The following HDAC9 variants were observed in gnomAD, a reference collection of about 807,000 sequenced individuals.
HDAC9 encodes histone deacetylase 9.
A neutral mutation model predicts 139.4 loss-of-function variants in HDAC9; 41 were observed. The ratio of observed to expected loss-of-function variants is 0.29; its 90% CI spans 0.23 to 0.38. The LOEUF is 0.38. Ranked by LOEUF, HDAC9 falls within the 10% of genes least tolerant of loss-of-function variation. The pLI is 1.00. For missense variants in HDAC9, 1,147 were observed against 1,297.0 expected, an observed-to-expected ratio of 0.88 and a Z score of 1.78; for synonymous variants, 517 against 476.2, an observed-to-expected ratio of 1.09 and a Z score of -1.12.
intron 7 of HDAC9, among the ~76,000 whole-genome samples, chr7:18,631,144 A>T (rs1782201971): frequency 6.6e-6 from 1 of 152,060 alleles, no homozygotes; most frequent in Non-Finnish European, 1.5e-5. Context: ...CTATCTCAGT[A>T]ATGATTGGTT....
intron 1 of HDAC9, among the ~76,000 whole-genome samples, chr7:18,087,584 A>C (rs1342527831): frequency 1.3e-5 from 2 of 152,152 alleles, no homozygotes; most frequent in Non-Finnish European, 2.9e-5. Flanking sequence ...TGAGGGGAGC[A>C]ACGCTTATTG....
At chr7:18,668,525 CACAA>C (rs1372036419) in intron 12 of HDAC9, 20 of 978,754 alleles carry the variant, frequency 2.0e-5, no homozygotes, top group Admixed American at 1.2e-4. Flanking sequence ...GATATGTAAT[CACAA>C]ACAAAAAAAA....
At chr7:18,231,942 TG>T (rs1207622526) in intron 2 of HDAC9, among the ~76,000 whole-genome samples, 1 of 152,168 alleles carries the variant, frequency 6.6e-6, no homozygotes, top group African/African-American at 2.4e-5. Flanking sequence ...CATGAAGACA[TG>T]GAAAGATACA....
At chr7:18,935,252 C>T (rs979855207) in intron 22 of HDAC9, among the ~76,000 whole-genome samples, 4 of 151,562 alleles carry the variant, frequency 2.6e-5, no homozygotes, top group East Asian at 1.9e-4. Flanking sequence ...TTTTATAACT[C>T]GTATAGATGT....
chr7:18,300,521 A>T (rs1798468640), intron 1 of HDAC9, among the ~76,000 whole-genome samples: 1 of 143,234 alleles, frequency 7.0e-6, no homozygotes, highest in Admixed American at 7.0e-5. Flanking sequence ...GCATATAAGT[A>T]AAAAAAAAAA....
intron 1 of HDAC9, among the ~76,000 whole-genome samples, chr7:18,335,550 C>G (rs1781522737): frequency 6.6e-6 from 1 of 151,406 alleles, no homozygotes; most frequent in Non-Finnish European, 1.5e-5. Context: ...TCTATTGGAG[C>G]CTGGGAGAGT....
intron 1 of HDAC9, among the ~76,000 whole-genome samples, chr7:18,340,620 T>C (rs964482010): frequency 4.6e-5 from 7 of 151,638 alleles, no homozygotes; most frequent in Non-Finnish European, 1.0e-4. Flanking sequence ...ATTTCATGTA[T>C]ATCACGGGAA....
At chr7:18,528,830 C>T (rs1456101962) in intron 2 of HDAC9, among the ~76,000 whole-genome samples, 1 of 152,144 alleles carries the variant, frequency 6.6e-6, no homozygotes, top group Non-Finnish European at 1.5e-5. Flanking sequence ...TCTCTACCTC[C>T]ACTCTTCTTT....
intron 1 of HDAC9, among the ~76,000 whole-genome samples, chr7:18,392,141 C>T (rs184524341): frequency 6.6e-6 from 1 of 152,170 alleles, no homozygotes; most frequent in East Asian, 1.9e-4. Flanking sequence ...GTTGTATTAC[C>T]TGAGTGAGTT....
intron 2 of HDAC9, among the ~76,000 whole-genome samples, chr7:18,235,919 C>G (rs974609996): frequency 2.0e-5 from 3 of 152,148 alleles, no homozygotes; most frequent in African/African-American, 4.8e-5. Context: ...GATACTGACA[C>G]TAAGGATATA....
intron 21 of HDAC9, among the ~76,000 whole-genome samples, chr7:18,872,925 G>A (rs1799041046): frequency 6.6e-6 from 1 of 152,050 alleles, no homozygotes; most frequent in Non-Finnish European, 1.5e-5. Context: ...TCTACTTACT[G>A]AATTTTGTAG....
intron 2 of HDAC9, among the ~76,000 whole-genome samples, chr7:18,258,951 CTTTTTTTTTTTTTTTTTTTTTT>C (rs199607615): frequency 6.1e-5 from 6 of 98,370 alleles, no homozygotes; most frequent in South Asian, 6.3e-4. Context: ...TCTTCTTCTC[CTTTTTTTTTTTTTTTTTTTTTT>C]TTTTTTTTTT....
At chr7:18,696,704 G>C (rs942271575) in intron 12 of HDAC9, among the ~76,000 whole-genome samples, 10 of 152,128 alleles carry the variant, frequency 6.6e-5, no homozygotes, top group African/African-American at 2.4e-4. Flanking sequence ...TCTTGACCTT[G>C]TGATCAGCCC....
intron 14 of HDAC9, among the ~76,000 whole-genome samples, chr7:18,758,082 T>C (rs1789042495): frequency 6.6e-6 from 1 of 152,104 alleles, no homozygotes; most frequent in Non-Finnish European, 1.5e-5. Context: ...AAGGTAACAA[T>C]GAACACAGTC....
intron 2 of HDAC9, among the ~76,000 whole-genome samples, chr7:18,165,368 G>C (rs186004840): frequency 6.6e-6 from 1 of 152,164 alleles, no homozygotes; most frequent in African/African-American, 2.4e-5. Context: ...AACAGCACTA[G>C]TGTTTCATAT....
intron 2 of HDAC9, among the ~76,000 whole-genome samples, chr7:18,181,252 A>G (rs2128141077): frequency 1.3e-5 from 2 of 152,264 alleles, no homozygotes; most frequent in Middle Eastern, 6.8e-3. Context: ...CATTTCATTC[A>G]TTTGTTCATT....
chr7:18,321,757 T>C (rs188512823), intron 1 of HDAC9, among the ~76,000 whole-genome samples: 1 of 152,290 alleles, frequency 6.6e-6, no homozygotes, highest in East Asian at 1.9e-4. Context: ...TTGTATAGTG[T>C]GCCCCAGATG....
At chr7:18,758,458 A>G (rs1332920642) in intron 14 of HDAC9, among the ~76,000 whole-genome samples, 2 of 152,194 alleles carry the variant, frequency 1.3e-5, no homozygotes, top group East Asian at 3.8e-4. Flanking sequence ...GGTGCGCAGA[A>G]AGTTGAAAAT....
intron 1 of HDAC9, among the ~76,000 whole-genome samples, chr7:18,456,638 A>G (rs1021386362): frequency 6.6e-6 from 1 of 152,152 alleles, no homozygotes; most frequent in African/African-American, 2.4e-5. Flanking sequence ...GATTATGTAT[A>G]ACATTACACT....
Sources: allele counts gnomAD v4.1 joint callset (sites outside exome capture counted in the v4.1 genomes callset), GRCh38; gene constraint gnomAD v4.1.1; transcripts MANE v1.5; gene names NCBI Gene and HGNC (gene_info 2026-07-23, HGNC 2026-07-21).